The following CD47 variants were observed in gnomAD, a reference collection of about 807,000 sequenced individuals.
CD47 encodes the protein CD47 molecule, also known as leukocyte surface antigen CD47.
In CD47, 11 loss-of-function variants were observed where a neutral mutation model predicts 44.6. The observed-to-expected ratio is 0.25, with a 90% CI of 0.16 to 0.41. The LOEUF is 0.41. Among genes scored for constraint, CD47 ranks in the 10% least tolerant of loss-of-function variants. The probability of loss-of-function intolerance (pLI) is 1.00; values close to 1 mark genes in which losing one functional copy is unlikely to be tolerated. For synonymous variants in CD47, 140 were observed against 136.3 expected, an observed-to-expected ratio of 1.03 and a Z score of -0.19; for missense variants, 306 against 386.7, an observed-to-expected ratio of 0.79 and a Z score of 1.75.
At chr3:108,081,274 A>G (rs1322714385) in intron 1 of CD47, among the ~76,000 whole-genome samples, 1 of 152,010 alleles carries the variant, frequency 6.6e-6, no homozygotes, top group Non-Finnish European at 1.5e-5. Flanking sequence ...AATGTACAAG[A>G]ATGTGTAGGA....
At chr3:108,055,570 G>T (rs1559984798) in intron 7 of CD47, 2 of 1,301,688 alleles carry the variant, frequency 1.5e-6, no homozygotes, top group Non-Finnish European at 2.0e-6. Flanking sequence ...CTGAACCCTG[G>T]CATCAGACAA....
chr3:108,089,565 A>T (rs939890047), intron 1 of CD47, among the ~76,000 whole-genome samples: 2 of 152,236 alleles, frequency 1.3e-5, no homozygotes, highest in Non-Finnish European at 2.9e-5. Flanking sequence ...AAGCAGTATT[A>T]TTTTAGCTAT....
chr3:108,049,527 C>A, intron 10 of CD47, 92 bp downstream of exon 10: 1 of 790,752 alleles, frequency 1.3e-6, no homozygotes, highest in South Asian at 1.4e-5. Context: ...GTCCCTTTTA[C>A]TAAAAAAGAG....
chr3:108,066,540 T>C (rs1490665279), intron 3 of CD47, among the ~76,000 whole-genome samples: 1 of 152,248 alleles, frequency 6.6e-6, no homozygotes, highest in African/African-American at 2.4e-5. Flanking sequence ...TGGTGACTAG[T>C]CACTGTACAT....
At chr3:108,083,724 T>C (rs2079461386) in intron 1 of CD47, among the ~76,000 whole-genome samples, 1 of 151,974 alleles carries the variant, frequency 6.6e-6, no homozygotes, top group African/African-American at 2.4e-5. Context: ...TTCATGTAAA[T>C]GTTCGCTTCT....
In CD47 at chr3:108,065,601, A is replaced by T. The variant is rs965215869; in HGVS notation, c.491-4749T>A. Among the ~76,000 whole-genome samples the T allele has an allele frequency of 4.7e-4, 72 of 152,166 alleles. 1 individual carries two copies. Among genetic ancestry groups the T allele is most frequent in the African/African-American group, 1.7e-3 (70 of 41,508 alleles). On this transcript the variant is annotated intron_variant, in intron 3 of 10. Coordinates refer to ENST00000361309, the MANE Select transcript of CD47 (RefSeq NM_001777.4). The stretch of plus-strand genomic sequence containing the variant: ...GCCGAGACAGACGGATCACGAGGTC[A>T]GGAGTTCGAGACCAGCCTGGCCAAT...
At chr3:108,047,838 T>A (rs749322301) in intron 10 of CD47, among the ~76,000 whole-genome samples, 12 of 152,184 alleles carry the variant, frequency 7.9e-5, no homozygotes, top group South Asian at 4.1e-4. Context: ...ATTAAGAGAA[T>A]CTTGAAGATC....
intron 2 of CD47, among the ~76,000 whole-genome samples, chr3:108,071,482 A>G (rs961724785): frequency 1.3e-5 from 2 of 152,234 alleles, no homozygotes; most frequent in Non-Finnish European, 2.9e-5. Flanking sequence ...CTCTGTGGCC[A>G]CACTGCCAGG....
At chr3:108,075,352 G>A (rs1486397083) in intron 2 of CD47, among the ~76,000 whole-genome samples, 2 of 152,054 alleles carry the variant, frequency 1.3e-5, no homozygotes, top group African/African-American at 4.8e-5. Context: ...TCTTATCACT[G>A]TACAAAAATG....
At chr3:108,085,142 GT>G (rs1455226949) in intron 1 of CD47, among the ~76,000 whole-genome samples, 3 of 151,964 alleles carry the variant, frequency 2.0e-5, no homozygotes, top group Non-Finnish European at 4.4e-5. Flanking sequence ...TCATAATGAC[GT>G]TATTGCAATT....
At chr3:108,062,970 A>G (rs2079042320) in intron 3 of CD47, among the ~76,000 whole-genome samples, 1 of 151,874 alleles carries the variant, frequency 6.6e-6, no homozygotes, top group Non-Finnish European at 1.5e-5. Context: ...ATCCTTCTTA[A>G]CAAAAATAAG....
rs11708496 is a variant in CD47 at position 108,074,720 on chromosome 3, G to T, written c.401-3538C>A. ...TGATATGTGGGGCGGGTGGGGGGGG[G>T]GGGCACACAATGGAGAAGGGCATCC... On this transcript the variant is annotated intron_variant, in intron 2 of 10. Transcript: ENST00000361309. Among the ~76,000 whole-genome samples the T allele has an allele frequency of 6.0e-5, 8 of 133,400 alleles. No homozygotes were observed. In the East Asian group the frequency reaches 1.2e-3, roughly 20 times the overall value. The allele number at this position is 133,400 out of a possible 152,430, so 87.5% of individuals were successfully genotyped here. A position where few individuals can be genotyped will look rare whatever the true frequency, so the allele number is the denominator to read the frequency against.
chr3:108,071,210 A>G, intron 2 of CD47, 28 bp from the exon 3 acceptor site: 1 of 1,028,970 alleles, frequency 9.7e-7, no homozygotes, highest in Non-Finnish European at 1.5e-6. Flanking sequence ...AAAAGTCACA[A>G]TTAATATTTA....
intron 8 of CD47, chr3:108,051,615 A>C: frequency 2.2e-6 from 1 of 463,292 alleles, no homozygotes; most frequent in South Asian, 1.6e-5. Context: ...CATCCAATGA[A>C]TCCAACAGGT....
At chr3:108,084,074 T>G (rs1261303713) in intron 1 of CD47, among the ~76,000 whole-genome samples, 3 of 151,874 alleles carry the variant, frequency 2.0e-5, no homozygotes, top group Non-Finnish European at 2.9e-5. Context: ...AAAAATTGCT[T>G]GAATATTTGC....
intron 1 of CD47, among the ~76,000 whole-genome samples, chr3:108,081,293 T>G (rs770626015): frequency 1.2e-4 from 19 of 152,158 alleles, no homozygotes; most frequent in Non-Finnish European, 2.5e-4. Flanking sequence ...GAATTGTAGT[T>G]GTCTTCCATA....
At chr3:108,064,281 G>A (rs562875154) in intron 3 of CD47, among the ~76,000 whole-genome samples, 28 of 152,290 alleles carry the variant, frequency 1.8e-4, no homozygotes, top group African/African-American at 6.5e-4. Context: ...GGGGAGGGGG[G>A]TGTGAGTGAT....
intron 7 of CD47, chr3:108,055,499 T>G (rs1457554278): frequency 1.6e-6 from 2 of 1,276,964 alleles, no homozygotes. Context: ...CCATGTTATC[T>G]AAAGAGCAAC....
At chr3:108,082,860 T>C (rs2079444240) in intron 1 of CD47, among the ~76,000 whole-genome samples, 1 of 152,012 alleles carries the variant, frequency 6.6e-6, no homozygotes, top group Admixed American at 6.6e-5. Flanking sequence ...AAAATTGACC[T>C]GGATAAACCA....
Sources: gnomAD v4.1 joint callset for allele counts (sites outside exome capture counted in the v4.1 genomes callset) on GRCh38, gnomAD v4.1.1 for gene constraint, MANE v1.5 for transcripts, NCBI Gene and HGNC (gene_info 2026-07-23, HGNC 2026-07-21) for gene names.